THADA: variants seen among roughly 807,000 people sequenced by gnomAD.
The protein encoded by THADA is THADA armadillo repeat containing, also known as tRNA (32-2'-O)-methyltransferase regulator THADA.
Under a neutral mutation model 219.8 loss-of-function variants are expected in THADA, and 213 were observed. The observed-to-expected ratio is 0.97, with a 90% CI of 0.87 to 1.09. The LOEUF (loss-of-function observed/expected upper bound fraction) is 1.09. THADA is among the 50% of genes least tolerant of loss of function. The pLI is 0.00. For synonymous variants in THADA, 1,018 were observed against 828.9 expected, an observed-to-expected ratio of 1.23 and a Z score of -3.92; for missense variants, 2,956 against 2,311.3, an observed-to-expected ratio of 1.28 and a Z score of -5.72.
chr2:43,367,560 C>T (rs1670305582), intron 29 of THADA, among the ~76,000 whole-genome samples: 1 of 152,156 alleles, frequency 6.6e-6, no homozygotes, highest in Admixed American at 6.5e-5. Flanking sequence ...TCCACTTTGA[C>T]TTCTTTTAAT....
At chr2:43,579,068 G>C (rs143165240) in intron 8 of THADA, among the ~76,000 whole-genome samples, 2,197 of 152,308 alleles carry the variant, frequency 0.014, 25 homozygotes, top group Middle Eastern at 0.02. Flanking sequence ...TTGACCTTGT[G>C]ATCCGCCTGC....
chr2:43,396,733 C>A (rs981140959), intron 29 of THADA, among the ~76,000 whole-genome samples: 1 of 151,888 alleles, frequency 6.6e-6, no homozygotes, highest in South Asian at 2.1e-4. Flanking sequence ...ATGGCTTGAA[C>A]GCAGGAGGCG....
At chr2:43,485,147 C>T (rs553059403) in intron 26 of THADA, 87 bp downstream of exon 26, 1 of 942,024 alleles carries the variant, frequency 1.1e-6, no homozygotes, top group African/African-American at 1.6e-5. Flanking sequence ...GAATCTATAA[C>T]AGTAGGCACA....
chr2:43,584,377 A>G (rs1347212242), intron 7 of THADA, among the ~76,000 whole-genome samples: 2 of 152,130 alleles, frequency 1.3e-5, no homozygotes, highest in African/African-American at 4.8e-5. Context: ...CTGACACCAA[A>G]GTGGACATTA....
intron 28 of THADA, among the ~76,000 whole-genome samples, chr2:43,418,661 G>C (rs948960595): frequency 7.2e-5 from 11 of 152,244 alleles, no homozygotes; most frequent in Non-Finnish European, 1.6e-4. Flanking sequence ...TCTAGGACCA[G>C]GTAAGTGTAG....
intron 7 of THADA, among the ~76,000 whole-genome samples, chr2:43,586,187 C>A: frequency 6.6e-6 from 1 of 152,060 alleles, no homozygotes; most frequent in Admixed American, 6.5e-5. Context: ...AACACTTGAG[C>A]CCAGGAGGTT....
At chr2:43,408,461 T>C (rs982488412) in intron 28 of THADA, 2 of 152,198 alleles carry the variant, frequency 1.3e-5, no homozygotes, top group Non-Finnish European at 2.9e-5. Context: ...GACACATACA[T>C]GTCAGCACAT....
At chr2:43,406,819 A>C (rs1252770114) in intron 28 of THADA, among the ~76,000 whole-genome samples, 1 of 152,036 alleles carries the variant, frequency 6.6e-6, no homozygotes, top group African/African-American at 2.4e-5. Context: ...CAGCTGGAAA[A>C]GCATTCCGGA....
intron 26 of THADA, among the ~76,000 whole-genome samples, chr2:43,473,661 T>C (rs993407260): frequency 1.3e-5 from 2 of 151,740 alleles, no homozygotes; most frequent in African/African-American, 2.4e-5. Context: ...CAGGCTGGAG[T>C]GCAGTGGCGC....
At chr2:43,584,437 C>T (rs1447933823) in intron 7 of THADA, among the ~76,000 whole-genome samples, 9 of 151,970 alleles carry the variant, frequency 5.9e-5, no homozygotes, top group South Asian at 2.1e-4. Context: ...CACCTTTACA[C>T]GATGAGCATA....
chr2:43,588,394 C>A (rs1701218172), intron 4 of THADA, among the ~76,000 whole-genome samples: 1 of 151,498 alleles, frequency 6.6e-6, no homozygotes, highest in Non-Finnish European at 1.5e-5. Context: ...AATCTACATA[C>A]ACAAAAATTA....
At chr2:43,281,217 C>T (rs763888123) in intron 35 of THADA, among the ~76,000 whole-genome samples, 7 of 152,258 alleles carry the variant, frequency 4.6e-5, no homozygotes, top group Middle Eastern at 3.4e-3. Context: ...TTTGGGGTTT[C>T]GTTCTCTTCT....
At position 43,252,137 on chromosome 2, in the gene THADA, G is replaced by A. The variant is rs149943740; in HGVS notation, c.5297-19255C>T. On this transcript the variant is annotated intron_variant, in intron 36 of 37. Transcript: ENST00000405975. ...AGACCTGGCCTTCTTCAATGACTGCGCCATGGCCACCCCATCTGGGACTTC... is the reference window on the plus strand; with the variant it reads ...AGACCTGGCCTTCTTCAATGACTGCACCATGGCCACCCCATCTGGGACTTC... Among the ~76,000 whole-genome samples, 163 of 152,182 alleles carry A rather than the reference G, an allele frequency of 1.1e-3. 1 individual carries two copies. Among genetic ancestry groups the A allele is most frequent in the African/African-American group, 3.9e-3 (162 of 41,512 alleles).
intron 15 of THADA, chr2:43,566,161 ACT>A (rs1408134736): frequency 2.9e-6 from 1 of 347,016 alleles, no homozygotes. Context: ...CAAAGAGGGA[ACT>A]GAAATTTGAC....
chr2:43,248,156 T>TAGAGAG (rs1669386804), intron 36 of THADA, among the ~76,000 whole-genome samples: 6 of 76,066 alleles, frequency 7.9e-5, no homozygotes, highest in South Asian at 4.8e-4. Context: ...TATATATATA[T>TAGAGAG]ATATATATAG....
At chr2:43,299,045 C>T (rs1011401486) in intron 31 of THADA, among the ~76,000 whole-genome samples, 1 of 152,100 alleles carries the variant, frequency 6.6e-6, no homozygotes, top group Non-Finnish European at 1.5e-5. Context: ...CACACAGATG[C>T]AGTTTATTCA....
chr2:43,401,323 G>A (rs1674806142), intron 28 of THADA, among the ~76,000 whole-genome samples: 1 of 152,200 alleles, frequency 6.6e-6, no homozygotes, highest in African/African-American at 2.4e-5. Flanking sequence ...CTGTCACCCA[G>A]GCTGGAGTGC....
intron 24 of THADA, 41 bp downstream of exon 24, chr2:43,505,581 C>G: frequency 1.4e-6 from 2 of 1,430,212 alleles, no homozygotes; most frequent in Non-Finnish European, 1.9e-6. Context: ...CAAAACAAAA[C>G]AAAAAACAAC....
Position 43,560,300 on chromosome 2 carries a change from A to G in THADA, c.2397T>C (p.Phe799=), listed in dbSNP as rs1697901095. 6.2e-7 allele frequency: 1 copy of G among 1,612,740 alleles called. No individual in the cohort carries two copies. Residue 799 remains phenylalanine, a synonymous_variant, in exon 16 of 38, where the codon TTT becomes TTC. Coordinates refer to ENST00000405975, the MANE Select transcript of THADA (RefSeq NM_022065.5). ...CAAATGCTAAAATTTTCACGTCTTC[A>G]AAAGTGCTGGTAAAACATTCCATTA... is the stretch of plus-strand genomic sequence containing the variant. The part of the protein sequence containing the change: ...QTLMECFTST[F]EDVKILAFDL...
Sources: allele counts gnomAD v4.1 joint callset (sites outside exome capture counted in the v4.1 genomes callset), GRCh38; gene constraint gnomAD v4.1.1; transcripts MANE v1.5; gene names NCBI Gene and HGNC (gene_info 2026-07-23, HGNC 2026-07-21).